RBM39: variants seen among roughly 807,000 people sequenced by gnomAD.
RBM39 encodes RNA-binding protein 39.
RBM39 carries 12 observed loss-of-function variants against 79.6 expected under a neutral mutation model. The ratio of observed to expected loss-of-function variants is 0.15; its 90% CI spans 0.10 to 0.24. RBM39 has a LOEUF of 0.24. RBM39 is among the 10% of genes least tolerant of loss of function. The pLI is 1.00. For synonymous variants in RBM39, 185 were observed against 208.4 expected, an observed-to-expected ratio of 0.89 and a Z score of 0.97; for missense variants, 243 against 653.4, an observed-to-expected ratio of 0.37 and a Z score of 6.85.
At chr20:35,714,143 A>G in intron 11 of RBM39, 42 bp downstream of exon 11, 1 of 1,585,166 alleles carries the variant, frequency 6.3e-7, no homozygotes, top group Non-Finnish European at 8.6e-7. Context: ...TTTCCACTAC[A>G]ATACCCACAG....
At chr20:35,739,762 T>C (rs2040328326) in intron 2 of RBM39, 1 of 295,260 alleles carries the variant, frequency 3.4e-6, no homozygotes, top group South Asian at 3.1e-5. Context: ...CAAAATTACA[T>C]ACACTATTTA....
chr20:35,729,591 G>T, intron 4 of RBM39, 64 bp from the exon 5 acceptor site: 1 of 1,405,160 alleles, frequency 7.1e-7, no homozygotes, highest in Non-Finnish European at 1.0e-6. Flanking sequence ...TCGCATTCAT[G>T]CGCTCTCCAG....
Position 35,704,659 on chromosome 20 carries a change from C to G in RBM39, c.1492+9G>C, listed in dbSNP as rs1419524043. ...ATAACAATCAGTCAAAAAATAAATTCAAACTCACCAGCAAACCACCTGCCA... is the reference window on the plus strand; with the variant it reads ...ATAACAATCAGTCAAAAAATAAATTGAAACTCACCAGCAAACCACCTGCCA... On this transcript the variant is annotated intron_variant, in intron 16 of 16. Coordinates refer to ENST00000253363, the MANE Select transcript of RBM39 (RefSeq NM_184234.3). 6.2e-7 allele frequency: 1 copy of G among 1,613,750 alleles called. No homozygotes were observed. The highest frequency in any genetic ancestry group is 1.7e-5 in the Admixed American group (1 of 59,992).
chr20:35,733,068 C>T (rs1333858701), intron 3 of RBM39, among the ~76,000 whole-genome samples: 2 of 151,964 alleles, frequency 1.3e-5, no homozygotes, highest in African/African-American at 2.4e-5. Context: ...TTTGGGAGGC[C>T]GAGGCAGGCA....
chr20:35,709,316 G>A (rs1251020722), intron 12 of RBM39, 42 bp from the exon 13 acceptor site: 2 of 1,495,192 alleles, frequency 1.3e-6, no homozygotes, highest in Admixed American at 2.0e-5. Context: ...TCAACTAACA[G>A]GGTAAATGTC....
At chr20:35,705,126 TA>T in intron 15 of RBM39, 98 bp downstream of exon 15, 1 of 744,968 alleles carries the variant, frequency 1.3e-6, no homozygotes, top group Non-Finnish European at 2.2e-6. Context: ...ACAAAAACTA[TA>T]ATGGAAGACG....
chr20:35,718,095 G>A (rs1486013856), intron 9 of RBM39, among the ~76,000 whole-genome samples: 1 of 151,946 alleles, frequency 6.6e-6, no homozygotes, highest in African/African-American at 2.4e-5. Context: ...TCCTGACCTC[G>A]TGATCCACCC....
chr20:35,734,037 A>C (rs1221407260), intron 3 of RBM39: 1 of 261,632 alleles, frequency 3.8e-6, no homozygotes, highest in Non-Finnish European at 7.7e-6. Flanking sequence ...AAACATTTTG[A>C]CAATTCTGTA....
At chr20:35,713,344 CTT>C (rs1334934211) in intron 11 of RBM39, 1 of 339,158 alleles carries the variant, frequency 2.9e-6, no homozygotes, top group Non-Finnish European at 5.5e-6. Context: ...GAGTATCGCT[CTT>C]GTTGCACAGG....
intron 8 of RBM39, 74 bp from the exon 9 acceptor site, chr20:35,721,951 C>G: frequency 6.7e-7 from 1 of 1,498,890 alleles, no homozygotes; most frequent in Non-Finnish European, 9.2e-7. Context: ...ATTTGCATAA[C>G]AACTAATGTT....
At chr20:35,715,247 G>A (rs1475998514) in intron 10 of RBM39, among the ~76,000 whole-genome samples, 7 of 152,092 alleles carry the variant, frequency 4.6e-5, no homozygotes, top group African/African-American at 1.4e-4. Flanking sequence ...GCACCATCTC[G>A]GCTCATTGCA....
chr20:35,716,246 G>A (rs927068500), intron 10 of RBM39, among the ~76,000 whole-genome samples: 3 of 151,916 alleles, frequency 2.0e-5, no homozygotes, highest in African/African-American at 7.3e-5. Context: ...GCTAATTTTT[G>A]TATTTTTACT....
At chr20:35,733,856 C>A (rs1315596737) in intron 3 of RBM39, among the ~76,000 whole-genome samples, 1 of 152,204 alleles carries the variant, frequency 6.6e-6, no homozygotes, top group East Asian at 1.9e-4. Context: ...TTTCTGCTCA[C>A]TTCCGTAGTC....
At chr20:35,730,135 T>C (rs902238883) in intron 4 of RBM39, among the ~76,000 whole-genome samples, 1 of 152,220 alleles carries the variant, frequency 6.6e-6, no homozygotes, top group African/African-American at 2.4e-5. Flanking sequence ...CAGTTGTTTG[T>C]TGCAAAAATA....
At chr20:35,725,662 T>C (rs541781814) in intron 6 of RBM39, among the ~76,000 whole-genome samples, 41 of 139,568 alleles carry the variant, frequency 2.9e-4, no homozygotes, top group Non-Finnish European at 4.9e-4. Context: ...ATTTTCTTTT[T>C]TTTTTTTTTT....
At chr20:35,720,802 A>G (rs1432941769) in intron 9 of RBM39, among the ~76,000 whole-genome samples, 1 of 152,162 alleles carries the variant, frequency 6.6e-6, no homozygotes. Context: ...ACCAGAGTGG[A>G]TCAGAAGTGG....
Position 35,724,702 on chromosome 20 carries a change from A to T in RBM39, c.555T>A (p.Ile185=). 6.2e-7 allele frequency: 1 copy of T among 1,614,126 alleles called. No individual in the cohort carries two copies. Among genetic ancestry groups the T allele is most frequent in the Non-Finnish European group, 8.5e-7 (1 of 1,179,992 alleles). ...TVGKVRDVRM[I]SDRNSRRSKG... is the part of the protein sequence containing the mutation. ...TGGAACGTCTTGAATTTCTGTCAGAAATCATCCTCACATCTCGAACCTAGA... is the reference window on the plus strand; with the variant it reads ...TGGAACGTCTTGAATTTCTGTCAGATATCATCCTCACATCTCGAACCTAGA... Residue 185 remains isoleucine, a synonymous_variant, in exon 8 of 17, where the codon ATT becomes ATA. Transcript: ENST00000253363.
intron 13 of RBM39, chr20:35,708,081 CT>C: frequency 3.7e-6 from 1 of 270,602 alleles, no homozygotes; most frequent in Non-Finnish European, 7.7e-6. Flanking sequence ...GAAATTAGGG[CT>C]GTGCATGAAA....
intron 9 of RBM39, among the ~76,000 whole-genome samples, chr20:35,721,292 AT>A (rs564475308): frequency 1.2e-4 from 18 of 152,226 alleles, no homozygotes; most frequent in Non-Finnish European, 2.2e-4. Context: ...TTTAAAAAAA[AT>A]CCTACTAAAA....
Sources: gnomAD v4.1 joint callset for allele counts (sites outside exome capture counted in the v4.1 genomes callset) on GRCh38, gnomAD v4.1.1 for gene constraint, MANE v1.5 for transcripts, NCBI Gene and HGNC (gene_info 2026-07-23, HGNC 2026-07-21) for gene names.